The following STXBP2 variants were observed in gnomAD, a reference collection of about 807,000 sequenced individuals.
The protein encoded by STXBP2 is syntaxin-binding protein 2.
Under a neutral mutation model 72.2 loss-of-function variants are expected in STXBP2, and 47 were observed. The ratio of observed to expected loss-of-function variants is 0.65; its 90% CI spans 0.51 to 0.83. STXBP2 has a LOEUF of 0.83. STXBP2 is among the 40% of genes least tolerant of loss of function. STXBP2 has a pLI of 0.00. For synonymous variants in STXBP2, 367 were observed against 338.7 expected (o/e 1.08, Z -0.92); for missense variants, 702 against 807.6 (o/e 0.87, Z 1.58).
rs1027722042 is a variant in STXBP2 at position 7,646,245 on chromosome 19, G to A, written c.1357-4G>A. 17 of 1,599,244 alleles carry A rather than the reference G, an allele frequency of 1.1e-5. No individual in the cohort carries two copies. Among genetic ancestry groups the A allele is most frequent in the Non-Finnish European group, 1.4e-5 (16 of 1,174,068 alleles). Reference sequence around the variant, plus strand: ...CCCTGCTGCCCTCCCTGCCCTGCCTGTAGGGCTCGGGGACCTCCAGCCGGC... The same window carrying A: ...CCCTGCTGCCCTCCCTGCCCTGCCTATAGGGCTCGGGGACCTCCAGCCGGC... On this transcript the variant is annotated splice_polypyrimidine_tract_variant and splice_region_variant and intron_variant, in intron 15 of 18. Transcript: ENST00000221283.
chr19:7,635,687 C>T (rs1481840927), upstream of STXBP2, among the ~76,000 whole-genome samples: 1 of 151,958 alleles, frequency 6.6e-6, no homozygotes, highest in Admixed American at 6.6e-5. Context: ...CAGAGCGAGA[C>T]CCGTCTCTTT....
upstream of STXBP2, chr19:7,631,898 A>G: frequency 8.2e-7 from 1 of 1,216,560 alleles, no homozygotes; most frequent in Non-Finnish European, 1.1e-6. Flanking sequence ...GCAGGTAGCC[A>G]CCGTGTCCCA....
At position 7,642,088 on chromosome 19, in the gene STXBP2, C is replaced by T. The variant is rs1220814925; in HGVS notation, c.633C>T (p.Ala211=). ...ACGCCGTCCTGGCCAAGCTGAACGCCTTCAAGGCAGACACTCCCAGTCTGG... is the reference window on the plus strand; with the variant it reads ...ACGCCGTCCTGGCCAAGCTGAACGCTTTCAAGGCAGACACTCCCAGTCTGG... ...LAHAVLAKLN[A]FKADTPSLGE... Residue 211 remains alanine (A), a synonymous_variant, in exon 8 of 19, where the codon GCC becomes GCT. Transcript: ENST00000221283. This position sits in a 1 kb window ranked among gnomAD's most constrained non-coding sequence, Gnocchi z 6.0. 1.2e-6 allele frequency: 2 copies of T among 1,614,126 alleles called. No individual in the cohort carries two copies. The highest frequency in any genetic ancestry group is 4.5e-5 in the East Asian group (2 of 44,876).
upstream of STXBP2, among the ~76,000 whole-genome samples, chr19:7,634,959 A>G (rs999988785): frequency 1.3e-5 from 2 of 152,132 alleles, no homozygotes; most frequent in African/African-American, 4.8e-5. Flanking sequence ...CAGACATATA[A>G]CTATCTTACA....
chr19:7,632,102 TG>T, upstream of STXBP2: 1 of 566,174 alleles, frequency 1.8e-6, no homozygotes, highest in Non-Finnish European at 3.1e-6. The surrounding 1 kb of genome is among the most constrained non-coding windows in gnomAD (Gnocchi z 5.2). Flanking sequence ...ACTTCCTCCC[TG>T]GGATACTTTC....
intron 6 of STXBP2, 79 bp downstream of exon 6, chr19:7,641,082 A>G: frequency 6.8e-7 from 1 of 1,460,908 alleles, no homozygotes; most frequent in Non-Finnish European, 9.5e-7. Flanking sequence ...ACAGACACTG[A>G]GGCTGGGCGC....
chr19:7,636,512 C>T (rs549309025), upstream of STXBP2: 2 of 152,306 alleles, frequency 1.3e-5, no homozygotes, highest in South Asian at 2.1e-4. Flanking sequence ...GGGACAGGCT[C>T]CTGGCTTGAA....
chr19:7,640,255 T>TGC lies in STXBP2; in HGVS notation c.246+449_246+450insCG, dbSNP rs776001249. On this transcript the variant is annotated intron_variant, in intron 4 of 18. Transcript: ENST00000221283. ...GCGTCTGTGTGTATCTGTGTGTGCATGTGTGTATGCGTGTATATGTATGTG... is the reference window on the plus strand; with the variant it reads ...GCGTCTGTGTGTATCTGTGTGTGCATGCGTGTGTATGCGTGTATATGTATGTG... 3.3e-3 allele frequency: 1,794 copies of TGC among 542,830 alleles called. 25 individuals carry two copies. The highest frequency in any genetic ancestry group is 0.028 in the African/African-American group (1,461 of 52,388). The allele number at this position is 542,830 out of a possible 1,614,324, so 33.6% of individuals were successfully genotyped here.
rs760022749 is a variant in STXBP2, at chr19:7,640,104, CTG to C, written c.246+300_246+301del. 449 of 578,268 alleles carry C rather than the reference CTG, an allele frequency of 7.8e-4. 1 individual carries two copies. Among genetic ancestry groups the C allele is most frequent in the East Asian group, 5.9e-3 (166 of 28,264 alleles). 35.8% of individuals were successfully genotyped at this position (578,268 alleles called of 1,614,324 possible). On this transcript the variant is annotated intron_variant, in intron 4 of 18. Transcript: ENST00000221283. ...TGTGGGTCTGTGTGTGCATTTGTGT[CTG>C]TGCATGTGTGTATGCGTGTGTATGT... is the stretch of plus-strand genomic sequence containing the variant.
chr19:7,631,602 T>C, the STXBP2 span: 1 of 1,499,214 alleles, frequency 6.7e-7, no homozygotes, highest in Non-Finnish European at 8.9e-7. Context: ...GAAATATACA[T>C]ATACTCAGTT....
At chr19:7,640,439 T>C (rs1260688700) in intron 4 of STXBP2, 2 of 651,796 alleles carry the variant, frequency 3.1e-6, no homozygotes, top group Non-Finnish European at 5.6e-6. Flanking sequence ...TCTGTGTGTG[T>C]GCATGTGTGT....
At chr19:7,629,849 G>A in the STXBP2 span, 5 of 1,535,448 alleles carry the variant, frequency 3.3e-6, no homozygotes, top group Non-Finnish European at 4.4e-6. Context: ...GGTGAAGCTG[G>A]AGATATTTCG....
chr19:7,646,254 G>C lies in STXBP2; in HGVS notation c.1362G>C (p.Ser454=), dbSNP rs980486322. The part of the protein sequence containing the change: ...LGGTVTNPGG[S]GTSSRLEPRE... ...CCTCCCTGCCCTGCCTGTAGGGCTCGGGGACCTCCAGCCGGCTGGAGCCGA... is the reference window on the plus strand; with the variant it reads ...CCTCCCTGCCCTGCCTGTAGGGCTCCGGGACCTCCAGCCGGCTGGAGCCGA... Residue 454 remains serine (S), a synonymous_variant, in exon 16 of 19, where the codon TCG becomes TCC. Coordinates refer to ENST00000221283, the MANE Select transcript of STXBP2 (RefSeq NM_006949.4). 1 of 1,604,380 alleles carries C rather than the reference G, an allele frequency of 6.2e-7. No homozygotes were observed. Among genetic ancestry groups the C allele is most frequent in the South Asian group, 1.1e-5 (1 of 89,194 alleles).
intron 6 of STXBP2, among the ~76,000 whole-genome samples, chr19:7,641,460 G>T (rs2031871771): frequency 6.6e-6 from 1 of 152,200 alleles, no homozygotes; most frequent in Non-Finnish European, 1.5e-5. Context: ...CTAGGCCCTT[G>T]CAGGGGGCAG....
rs2032048555 is a variant in STXBP2 at position 7,644,532 on chromosome 19, C to T, written c.1108-82C>T. The T allele has an allele frequency of 6.9e-6, 11 of 1,583,816 alleles. No homozygotes were observed. In the Admixed American group the frequency reaches 1.5e-4, roughly 22 times the overall value. ...ACCCAAATGTCCTCTTGCCGAGGATCCTGGGGATGTCCTTGGCCCGCCTCT... is the reference window on the plus strand; with the variant it reads ...ACCCAAATGTCCTCTTGCCGAGGATTCTGGGGATGTCCTTGGCCCGCCTCT... On this transcript the variant is annotated intron_variant, in intron 13 of 18. Transcript: ENST00000221283.
chr19:7,642,888 G>C lies in STXBP2; in HGVS notation c.960+65G>C. The C allele has an allele frequency of 6.2e-7, 1 of 1,613,408 alleles. No homozygotes were observed. The highest frequency in any genetic ancestry group is 1.1e-5 in the South Asian group (1 of 91,076). Reference sequence around the variant, plus strand: ...GAAGCCCCCCTCCCCATGGGCGCAGGGCCACAGCCTGGATTTCGAGCCTGG... The same window carrying C: ...GAAGCCCCCCTCCCCATGGGCGCAGCGCCACAGCCTGGATTTCGAGCCTGG... On this transcript the variant is annotated intron_variant, in intron 11 of 18. Coordinates refer to ENST00000221283, the MANE Select transcript of STXBP2 (RefSeq NM_006949.4). This position sits in a 1 kb window ranked among gnomAD's most constrained non-coding sequence, Gnocchi z 6.0.
chr19:7,641,041 T>A, intron 6 of STXBP2, 38 bp downstream of exon 6: 1 of 1,605,156 alleles, frequency 6.2e-7, no homozygotes. Context: ...GGGTGGGGGT[T>A]TGTGACCAAA....
intron 3 of STXBP2, 58 bp from the exon 4 acceptor site, chr19:7,639,673 C>A: frequency 6.5e-7 from 1 of 1,541,618 alleles, no homozygotes; most frequent in Non-Finnish European, 8.9e-7. Context: ...ACCTGAGACT[C>A]CCCACGTGGC....
At chr19:7,633,415 AG>A (rs779143884), upstream of STXBP2, 1 of 1,571,612 alleles carries the variant, frequency 6.4e-7, no homozygotes, top group Admixed American at 1.9e-5. Context: ...ACCTCGGCAC[AG>A]GGGCCTGAGC....
Sources: allele counts gnomAD v4.1 joint callset (sites outside exome capture counted in the v4.1 genomes callset), GRCh38; gene constraint gnomAD v4.1.1; non-coding constraint Gnocchi (gnomAD v3.1); transcripts MANE v1.5; gene names NCBI Gene and HGNC (gene_info 2026-07-23, HGNC 2026-07-21).